Variants in VAV1 observed in about 807,000 individuals in gnomAD.
The protein encoded by VAV1 is proto-oncogene vav.
A neutral mutation model predicts 128.1 loss-of-function variants in VAV1; 33 were observed. The observed-to-expected ratio is 0.26, with a 90% CI of 0.20 to 0.34. The LOEUF (loss-of-function observed/expected upper bound fraction) is 0.34, where lower values mean the gene tolerates loss of function less well. Among genes scored for constraint, VAV1 ranks in the 10% least tolerant of loss-of-function variants. The pLI is 1.00. For missense variants in VAV1, 715 were observed against 1,093.7 expected (o/e 0.65, Z 4.88); for synonymous variants, 394 against 409.8 (o/e 0.96, Z 0.47).
intron 1 of VAV1, among the ~76,000 whole-genome samples, chr19:6,807,508 A>G (rs1305135845): frequency 1.3e-5 from 2 of 152,092 alleles, no homozygotes; most frequent in African/African-American, 2.4e-5. Context: ...AGATGAAGCT[A>G]TGCTAGCTCA....
At position 6,808,772 on chromosome 19, in the gene VAV1, T is replaced by C. The variant is rs79920643; in HGVS notation, c.205-11930T>C. 4.7e-4 allele frequency among the ~76,000 whole-genome samples: 72 copies of C among 152,246 alleles called. No individual in the cohort carries two copies. In the East Asian group the frequency reaches 0.014, roughly 29 times the overall value. ...ACAATATTTGTTATTCCAATTAATT[T>C]AGTAAATTGTCTGGGCAGATAGGTG... On this transcript the variant is annotated intron_variant, in intron 1 of 26. Transcript: ENST00000602142.
intron 1 of VAV1, among the ~76,000 whole-genome samples, chr19:6,791,993 G>T (rs1350592700): frequency 6.6e-6 from 1 of 151,778 alleles, no homozygotes; most frequent in Non-Finnish European, 1.5e-5. Flanking sequence ...ATGGCTATGG[G>T]GATGTGTGTG....
rs529141095 is a variant in VAV1, at chr19:6,822,334, G to C, written c.558+5G>C. The C allele has an allele frequency of 1.3e-6, 2 of 1,540,070 alleles. No individual in the cohort carries two copies. The highest frequency in any genetic ancestry group is 8.8e-7 in the Non-Finnish European group (1 of 1,138,184). On this transcript the variant is annotated splice_donor_5th_base_variant and intron_variant, in intron 5 of 26. Transcript: ENST00000602142. The surrounding 1 kb of genome is among the most constrained non-coding windows in gnomAD (Gnocchi z 5.9). ...TCGGAGCCCGTGTCCATGCCGGTGC[G>C]TGACGTGGAGGGTCGGGCCTGGGGA...
At chr19:6,807,125 A>G (rs750559304) in intron 1 of VAV1, among the ~76,000 whole-genome samples, 2 of 152,100 alleles carry the variant, frequency 1.3e-5, no homozygotes, top group African/African-American at 2.4e-5. Flanking sequence ...GTGGAAGACA[A>G]TTTTTCCATG....
chr19:6,795,773 T>C (rs771359400), intron 1 of VAV1, among the ~76,000 whole-genome samples: 2 of 152,192 alleles, frequency 1.3e-5, no homozygotes, highest in Non-Finnish European at 2.9e-5. Flanking sequence ...AACCTCCGCC[T>C]CCTGGGTTCA....
intron 22 of VAV1, among the ~76,000 whole-genome samples, chr19:6,845,755 T>C (rs1463832065): frequency 6.7e-6 from 1 of 148,358 alleles, no homozygotes; most frequent in Non-Finnish European, 1.5e-5. Context: ...GTTACCTATT[T>C]ACTTTACATT....
rs781618198 is a variant in VAV1, at chr19:6,821,643, C to T, written c.343C>T (p.Leu115=). The change falls in exon 3 of 27, where the codon CTG becomes TTG. Residue 115 remains leucine, a synonymous_variant. Coordinates refer to ENST00000602142, the MANE Select transcript of VAV1 (RefSeq NM_005428.4). ...FGKVIYTLSA[L]SWTPIAQNRG... ...ACAGGTCATCTACACCCTGTCTGCT[C>T]TGTCCTGGACCCCGATCGCCCAGAA... 6.2e-7 allele frequency: 1 copy of T among 1,614,170 alleles called. No individual in the cohort carries two copies. The highest frequency in any genetic ancestry group is 1.1e-5 in the South Asian group (1 of 91,086).
chr19:6,809,262 C>T (rs575207366), intron 1 of VAV1, among the ~76,000 whole-genome samples: 4 of 152,120 alleles, frequency 2.6e-5, no homozygotes, highest in Non-Finnish European at 4.4e-5. Context: ...TTTGTAGAGA[C>T]GGGGTCTTGC....
At position 6,777,979 on chromosome 19, in the gene VAV1, C is replaced by T. The variant is rs111239633; in HGVS notation, c.204+4968C>T. Reference sequence around the variant, plus strand: ...CCACGCCTGGCTAATTTCTGTTGCCCAGGCTGGAGTACAGTGGCATGATCT... The same window carrying T: ...CCACGCCTGGCTAATTTCTGTTGCCTAGGCTGGAGTACAGTGGCATGATCT... On this transcript the variant is annotated intron_variant, in intron 1 of 26. Transcript: ENST00000602142. The surrounding 1 kb of genome is among the most constrained non-coding windows in gnomAD (Gnocchi z 4.4). Among the ~76,000 whole-genome samples the T allele has an allele frequency of 0.014, 2,055 of 151,736 alleles. 44 individuals carry two copies. Among genetic ancestry groups the T allele is most frequent in the African/African-American group, 0.047 (1,945 of 41,338 alleles).
chr19:6,846,559 C>G (rs115972123), intron 22 of VAV1, among the ~76,000 whole-genome samples: 1 of 148,574 alleles, frequency 6.7e-6, no homozygotes, highest in Admixed American at 6.7e-5. Flanking sequence ...GGCACTGTCT[C>G]AAAAAAAATT....
At chr19:6,830,976 T>C (rs1470809451) in intron 14 of VAV1, among the ~76,000 whole-genome samples, 1 of 152,062 alleles carries the variant, frequency 6.6e-6, no homozygotes, top group African/African-American at 2.4e-5. Flanking sequence ...CCTGTAGCCC[T>C]AGCTACATGG....
Position 6,853,931 on chromosome 19 carries a change from T to C in VAV1, c.2333-16T>C, listed in dbSNP as rs1568321230. ...CTGCCCCAGACCCTTTTCTCACTTCTGTTCTCTCTCCACAGTGGGAAGCAC... is the reference window on the plus strand; with the variant it reads ...CTGCCCCAGACCCTTTTCTCACTTCCGTTCTCTCTCCACAGTGGGAAGCAC... On this transcript the variant is annotated splice_polypyrimidine_tract_variant and intron_variant, in intron 25 of 26. Transcript: ENST00000602142. The C allele has an allele frequency of 1.9e-6, 3 of 1,606,752 alleles. No homozygotes were observed. Among genetic ancestry groups the C allele is most frequent in the Non-Finnish European group, 2.5e-6 (3 of 1,179,658 alleles).
intron 1 of VAV1, among the ~76,000 whole-genome samples, chr19:6,776,319 TC>T (rs1970629958): frequency 3.4e-5 from 5 of 146,446 alleles, no homozygotes; most frequent in African/African-American, 7.8e-5. Flanking sequence ...CATCCATCCA[TC>T]CATCTGCTCA....
At chr19:6,805,151 G>A (rs555260894) in intron 1 of VAV1, among the ~76,000 whole-genome samples, 3 of 152,054 alleles carry the variant, frequency 2.0e-5, no homozygotes, top group East Asian at 1.9e-4. Context: ...AAGGCCGGGC[G>A]CAGCGGTTCA....
chr19:6,780,901 A>G (rs1970755469), intron 1 of VAV1, among the ~76,000 whole-genome samples: 1 of 147,582 alleles, frequency 6.8e-6, no homozygotes, highest in African/African-American at 2.5e-5. Flanking sequence ...ACCATATTTT[A>G]TACAAAGATT....
At chr19:6,784,090 C>T (rs1453057017) in intron 1 of VAV1, 12 of 419,296 alleles carry the variant, frequency 2.9e-5, no homozygotes, top group Admixed American at 1.1e-4. Flanking sequence ...CCCGTCTCTA[C>T]AAAAAATAAA....
At chr19:6,807,297 G>T (rs1037087306) in intron 1 of VAV1, among the ~76,000 whole-genome samples, 2 of 151,906 alleles carry the variant, frequency 1.3e-5, no homozygotes, top group Non-Finnish European at 2.9e-5. Context: ...CCTGCAACTA[G>T]ATGATCCCAT....
intron 21 of VAV1, among the ~76,000 whole-genome samples, chr19:6,837,259 T>A (rs1972245319): frequency 6.6e-6 from 1 of 152,198 alleles, no homozygotes; most frequent in Non-Finnish European, 1.5e-5. Flanking sequence ...TTCTCCTTGA[T>A]CATTTTTGTG....
chr19:6,800,155 G>GA (rs1971233970), intron 1 of VAV1, among the ~76,000 whole-genome samples: 1 of 151,652 alleles, frequency 6.6e-6, no homozygotes. Flanking sequence ...TTAATAAGAA[G>GA]AAAATGTACC....
Sources: gnomAD v4.1 joint callset for allele counts (sites outside exome capture counted in the v4.1 genomes callset) on GRCh38, gnomAD v4.1.1 for gene constraint, Gnocchi (gnomAD v3.1) non-coding constraint, MANE v1.5 for transcripts, NCBI Gene and HGNC (gene_info 2026-07-23, HGNC 2026-07-21) for gene names.